TEX2: variants seen among roughly 807,000 people sequenced by gnomAD.
The protein encoded by TEX2 is testis-expressed protein 2.
A neutral mutation model predicts 106.9 loss-of-function variants in TEX2; 53 were observed. The observed-to-expected ratio is 0.50, with a 90% CI of 0.40 to 0.62. The LOEUF (loss-of-function observed/expected upper bound fraction) is 0.62. TEX2 is among the 20% of genes least tolerant of loss of function. TEX2 has a pLI of 0.00. For missense variants in TEX2, 1,207 were observed against 1,379.0 expected, an observed-to-expected ratio of 0.88 and a Z score of 1.98; for synonymous variants, 523 against 534.8, an observed-to-expected ratio of 0.98 and a Z score of 0.30.
In TEX2 at chr17:64,214,120, G is replaced by A. The variant is rs2033115705; in HGVS notation, c.98C>T (p.Thr33Ile). ...GGATGCCGAGAAGTGAATGGCGATG[G>A]TATCTCGGGACACGGACCTCTGCAC... ...VHVQRSVSRD[T>I]IAIHFSASGE... The change falls in exon 2 of 12, where the codon ACC becomes ATC. Residue 33 changes from threonine to isoleucine, a missense_variant. Around this residue, in one of 3 missense-constraint regions of TEX2, gnomAD observed 1,067 missense variants for 1,193.6 expected, o/e 0.89. Coordinates refer to ENST00000584379, the MANE Select transcript of TEX2 (RefSeq NM_001288732.2). The A allele has an allele frequency of 6.2e-7, 1 of 1,614,176 alleles. No individual in the cohort carries two copies. Among genetic ancestry groups the A allele is most frequent in the Non-Finnish European group, 8.5e-7 (1 of 1,180,032 alleles).
At position 64,213,248 on chromosome 17, in the gene TEX2, T is replaced by G; in HGVS notation, c.970A>C (p.Ser324Arg). ...GSHRPKALSS[S>R]ASELSNLSSL... ...GACAGATTGGAGAGTTCTGAAGCACTTGAAGATAAGGCTTTGGGCCTATGG... is the reference window on the plus strand; with the variant it reads ...GACAGATTGGAGAGTTCTGAAGCACGTGAAGATAAGGCTTTGGGCCTATGG... Residue 324 changes from serine (S) to arginine (R), a missense_variant, in exon 2 of 12, where the codon AGT becomes CGT. Around this residue, in one of 3 missense-constraint regions of TEX2, gnomAD observed 1,067 missense variants for 1,193.6 expected, o/e 0.89. Transcript: ENST00000584379. This position sits in a 1 kb window ranked among gnomAD's most constrained non-coding sequence, Gnocchi z 4.4. 6.2e-7 allele frequency: 1 copy of G among 1,614,208 alleles called. No individual in the cohort carries two copies. The highest frequency in any genetic ancestry group is 8.5e-7 in the Non-Finnish European group (1 of 1,180,034).
chr17:64,168,723 CTT>C, intron 7 of TEX2, among the ~76,000 whole-genome samples: 1 of 152,152 alleles, frequency 6.6e-6, no homozygotes, highest in Non-Finnish European at 1.5e-5. Flanking sequence ...TATTTAGTTT[CTT>C]TAAGCCTCAC....
chr17:64,247,701 T>C (rs1555636448), intron 1 of TEX2, among the ~76,000 whole-genome samples: 2 of 152,326 alleles, frequency 1.3e-5, no homozygotes, highest in South Asian at 2.1e-4. Context: ...GCTTTAGAGC[T>C]TTTTAGATGA....
intron 1 of TEX2, among the ~76,000 whole-genome samples, chr17:64,228,382 A>C (rs1226009882): frequency 6.6e-6 from 1 of 152,174 alleles, no homozygotes. Context: ...ACAATTCTAC[A>C]ACTCACAATA....
chr17:64,204,882 T>C (rs4968703), intron 2 of TEX2, among the ~76,000 whole-genome samples: 83,763 of 152,026 alleles, frequency 0.55, 24,582 homozygotes, highest in East Asian at 0.83. Flanking sequence ...AGTTAATGAA[T>C]TGAGTGAAAA....
At chr17:64,198,551 A>C (rs1203176591) in intron 2 of TEX2, among the ~76,000 whole-genome samples, 3 of 134,726 alleles carry the variant, frequency 2.2e-5, no homozygotes, top group Non-Finnish European at 5.3e-5. Context: ...CCCTGCATGC[A>C]ATTGCTCTTC....
chr17:64,223,372 T>TTC lies in TEX2; in HGVS notation c.-25-9131_-25-9130insGA, dbSNP rs1388668169. ...CTGAATCTGGCTTTTTTTTTTTTTT[T>TTC]TTCACTTTTTTTCTTTGGTCTCATT... On this transcript the variant is annotated intron_variant, in intron 1 of 11. Coordinates refer to ENST00000584379, the MANE Select transcript of TEX2 (RefSeq NM_001288732.2). Among the ~76,000 whole-genome samples, 12 of 151,170 alleles carry TTC rather than the reference T, an allele frequency of 7.9e-5. No individual in the cohort carries two copies. The East Asian group carries it at 1.8e-3, about 22-fold the overall frequency.
At chr17:64,182,597 C>T (rs903710143) in intron 5 of TEX2, among the ~76,000 whole-genome samples, 6 of 152,086 alleles carry the variant, frequency 3.9e-5, no homozygotes, top group African/African-American at 1.4e-4. Context: ...AAACCCTGTA[C>T]CCATTAGCAG....
chr17:64,249,277 T>C (rs2034047582), intron 1 of TEX2, among the ~76,000 whole-genome samples: 1 of 152,308 alleles, frequency 6.6e-6, no homozygotes, highest in African/African-American at 2.4e-5. Flanking sequence ...CAGTACAGCC[T>C]GCTTTGTGCT....
rs564832534 is a variant in TEX2 at position 64,198,380 on chromosome 17, C to A, written c.1645-3285G>T. Reference sequence around the variant, plus strand: ...ATAAAGAACTTGAAGCAGATATAATCGTTTTTCTAAGATACTTCAGAGGTT... The same window carrying A: ...ATAAAGAACTTGAAGCAGATATAATAGTTTTTCTAAGATACTTCAGAGGTT... On this transcript the variant is annotated intron_variant, in intron 2 of 11. Transcript: ENST00000584379. 7.3e-5 allele frequency among the ~76,000 whole-genome samples: 11 copies of A among 150,898 alleles called. No homozygotes were observed. In the South Asian group the frequency reaches 8.5e-4, roughly 12 times the overall value.
In TEX2 at chr17:64,181,478, A is replaced by T. The variant is rs1160283388; in HGVS notation, c.2425-4007T>A. 1.6e-4 allele frequency among the ~76,000 whole-genome samples: 20 copies of T among 126,976 alleles called. 1 individual carries two copies. Among genetic ancestry groups the T allele is most frequent in the Non-Finnish European group, 1.5e-4 (8 of 53,682 alleles). The allele number at this position is 126,976 out of a possible 152,430, so 83.3% of individuals were successfully genotyped here. ...CCACAGAGCAAGGCTATCTCAAAAAAAAAAAAAAAAAAAAAAAAAAGCAAA... is the reference window on the plus strand; with the variant it reads ...CCACAGAGCAAGGCTATCTCAAAAATAAAAAAAAAAAAAAAAAAAAGCAAA... On this transcript the variant is annotated intron_variant, in intron 5 of 11. Coordinates refer to ENST00000584379, the MANE Select transcript of TEX2 (RefSeq NM_001288732.2).
At chr17:64,262,524 C>A (rs926649211) in intron 1 of TEX2, among the ~76,000 whole-genome samples, 2 of 152,218 alleles carry the variant, frequency 1.3e-5, no homozygotes, top group Non-Finnish European at 2.9e-5. Context: ...TTTCCGTGCT[C>A]AGCAGCCAGC....
At position 64,217,766 on chromosome 17, in the gene TEX2, C is replaced by A. The variant is rs1488099713; in HGVS notation, c.-25-3524G>T. Among the ~76,000 whole-genome samples, 1 of 152,158 alleles carries A rather than the reference C, an allele frequency of 6.6e-6. No individual in the cohort carries two copies. Among genetic ancestry groups the A allele is most frequent in the East Asian group, 1.9e-4 (1 of 5,192 alleles). On this transcript the variant is annotated intron_variant, in intron 1 of 11. Transcript: ENST00000584379. The surrounding 1 kb of genome is among the most constrained non-coding windows in gnomAD (Gnocchi z 4.3). ...AAGAAAGCTTCCTTCTCAACAGTCT[C>A]TTTTTCCCATAGTTCCAGCAGACTA...
chr17:64,148,960 C>T lies in TEX2; in HGVS notation c.*9G>A. 3 of 1,613,902 alleles carry T rather than the reference C, an allele frequency of 1.9e-6. No homozygotes were observed. The highest frequency in any genetic ancestry group is 1.1e-5 in the South Asian group (1 of 91,048). Reference sequence around the variant, plus strand: ...ATGTCACAATATGGGGAACATCTGACATCACCCATCATGGCTGATCAGCAG... The same window carrying T: ...ATGTCACAATATGGGGAACATCTGATATCACCCATCATGGCTGATCAGCAG... On this transcript the variant is annotated 3_prime_UTR_variant, in exon 12 of 12. Transcript: ENST00000584379.
chr17:64,238,882 G>A (rs1376677346), intron 1 of TEX2, among the ~76,000 whole-genome samples: 4 of 152,088 alleles, frequency 2.6e-5, no homozygotes, highest in Admixed American at 6.5e-5. Context: ...AGCAAAGCAG[G>A]GTCTTTGCAT....
intron 9 of TEX2, among the ~76,000 whole-genome samples, chr17:64,154,529 G>T (rs377304494): frequency 2.0e-5 from 3 of 152,188 alleles, no homozygotes; most frequent in African/African-American, 7.2e-5. Context: ...TCTCCGGGGG[G>T]AGGGGGTGTA....
intron 8 of TEX2, among the ~76,000 whole-genome samples, chr17:64,156,659 C>T (rs11654712): frequency 0.053 from 8,148 of 152,306 alleles, 251 homozygotes; most frequent in African/African-American, 0.08. Flanking sequence ...AAAGATCACA[C>T]GCCCCTCTCA....
chr17:64,219,507 T>TAA (rs1567951413), intron 1 of TEX2, among the ~76,000 whole-genome samples: 1 of 135,540 alleles, frequency 7.4e-6, no homozygotes, highest in African/African-American at 2.7e-5. Context: ...CTCCATCTCA[T>TAA]CAAATAAAAT....
chr17:64,210,956 T>TA (rs782729485), intron 2 of TEX2, among the ~76,000 whole-genome samples: 1 of 151,406 alleles, frequency 6.6e-6, no homozygotes, highest in African/African-American at 2.4e-5. Context: ...TGTTACTTAT[T>TA]TTATTATTAT....
Sources: allele counts gnomAD v4.1 joint callset (sites outside exome capture counted in the v4.1 genomes callset), GRCh38; gene constraint gnomAD v4.1.1; regional missense constraint gnomAD v4.1.1; non-coding constraint Gnocchi (gnomAD v3.1); transcripts MANE v1.5; gene names NCBI Gene and HGNC (gene_info 2026-07-23, HGNC 2026-07-21).